Variants in WWC1 observed in about 807,000 individuals in gnomAD.
WWC1 encodes WW and C2 domain containing 1, also known as protein KIBRA.
WWC1 carries 55 observed loss-of-function variants against 138.4 expected under a neutral mutation model. The ratio of observed to expected loss-of-function variants is 0.40; its 90% CI spans 0.32 to 0.50. The LOEUF is 0.50. Ranked by LOEUF, WWC1 falls within the 20% of genes least tolerant of loss-of-function variation. The probability of loss-of-function intolerance (pLI) is 0.72; values close to 1 mark genes in which losing one functional copy is unlikely to be tolerated. For synonymous variants in WWC1, 524 were observed against 564.9 expected, an observed-to-expected ratio of 0.93 and a Z score of 1.03; for missense variants, 1,226 against 1,420.4, an observed-to-expected ratio of 0.86 and a Z score of 2.20.
chr5:168,379,946 G>A (rs961148628), intron 2 of WWC1, among the ~76,000 whole-genome samples: 6 of 152,062 alleles, frequency 3.9e-5, no homozygotes, highest in Non-Finnish European at 7.4e-5. Context: ...TTTATGATAG[G>A]CAAAGATTTT....
At chr5:168,431,201 G>T in intron 14 of WWC1, 51 bp from the exon 15 acceptor site, 1 of 1,515,022 alleles carries the variant, frequency 6.6e-7, no homozygotes, top group South Asian at 1.3e-5. Context: ...CAACATTTTA[G>T]CCCCAGACAT....
intron 1 of WWC1, among the ~76,000 whole-genome samples, chr5:168,300,332 C>T (rs772890102): frequency 5.3e-5 from 8 of 151,470 alleles, no homozygotes; most frequent in Non-Finnish European, 1.2e-4. Context: ...CTGTTGTGTG[C>T]GGAGAATATT....
intron 1 of WWC1, among the ~76,000 whole-genome samples, chr5:168,331,769 A>G (rs1773051960): frequency 6.6e-6 from 1 of 152,226 alleles, no homozygotes; most frequent in Non-Finnish European, 1.5e-5. Context: ...TTTCTTTGAC[A>G]TCTTCTGGTG....
intron 15 of WWC1, among the ~76,000 whole-genome samples, chr5:168,440,032 G>T (rs1256214305): frequency 2.6e-5 from 4 of 152,158 alleles, no homozygotes; most frequent in Non-Finnish European, 4.4e-5. Context: ...GTGGAACCAG[G>T]TGGGGACCAT....
chr5:168,387,663 C>T (rs1481581287), intron 3 of WWC1, among the ~76,000 whole-genome samples: 3 of 152,194 alleles, frequency 2.0e-5, no homozygotes, highest in African/African-American at 7.2e-5. Flanking sequence ...ACTGCCTTCT[C>T]TAGTGCCTCT....
intron 1 of WWC1, among the ~76,000 whole-genome samples, chr5:168,313,434 T>C (rs2152750861): frequency 6.6e-6 from 1 of 152,080 alleles, no homozygotes; most frequent in Middle Eastern, 3.4e-3. Context: ...CTACTAAAAA[T>C]ACAAAAATTA....
intron 9 of WWC1, among the ~76,000 whole-genome samples, chr5:168,419,489 C>T (rs1780916932): frequency 6.6e-6 from 1 of 152,166 alleles, no homozygotes; most frequent in African/African-American, 2.4e-5. Context: ...CCATACAGTG[C>T]AGCAACTTGC....
At chr5:168,412,208 A>C in intron 8 of WWC1, 4 of 985,220 alleles carry the variant, frequency 4.1e-6, no homozygotes, top group Non-Finnish European at 4.8e-6. Context: ...AGAGCTTCCT[A>C]GCTCATCTGA....
chr5:168,369,025 G>A (rs1432639662), intron 1 of WWC1, among the ~76,000 whole-genome samples: 1 of 152,220 alleles, frequency 6.6e-6, no homozygotes, highest in Non-Finnish European at 1.5e-5. Context: ...CTTAGGAGAT[G>A]CAATGAAGGT....
intron 1 of WWC1, among the ~76,000 whole-genome samples, chr5:168,357,483 TG>T (rs1775532578): frequency 2.5e-5 from 2 of 79,072 alleles, no homozygotes; most frequent in African/African-American, 3.4e-5. Flanking sequence ...TGTGTGTGTG[TG>T]TGTGTGTGTG....
chr5:168,393,074 T>G (rs1778625886), intron 3 of WWC1, among the ~76,000 whole-genome samples: 1 of 151,932 alleles, frequency 6.6e-6, no homozygotes, highest in Non-Finnish European at 1.5e-5. Flanking sequence ...GGAGGAAACC[T>G]TCTAAAAATC....
chr5:168,438,820 A>G (rs577564317), intron 15 of WWC1, among the ~76,000 whole-genome samples: 2 of 152,266 alleles, frequency 1.3e-5, no homozygotes, highest in South Asian at 4.1e-4. Flanking sequence ...AAAAATATTA[A>G]GTCACTTGAA....
chr5:168,321,184 G>A (rs1581913722), intron 1 of WWC1, among the ~76,000 whole-genome samples: 3 of 152,116 alleles, frequency 2.0e-5, no homozygotes, highest in South Asian at 2.1e-4. Flanking sequence ...TTGTGCCACC[G>A]GGATTAATTC....
At chr5:168,334,550 C>T (rs188947641) in intron 1 of WWC1, among the ~76,000 whole-genome samples, 2 of 152,062 alleles carry the variant, frequency 1.3e-5, no homozygotes, top group Non-Finnish European at 1.5e-5. Context: ...GACCCTCCCC[C>T]CTCCACCCCC....
chr5:168,397,629 C>T, intron 3 of WWC1, 95 bp from the exon 4 acceptor site: 1 of 1,307,344 alleles, frequency 7.6e-7, no homozygotes, highest in South Asian at 1.2e-5. Flanking sequence ...ACTTTTAGTC[C>T]TTCCCTTTCT....
In WWC1 at chr5:168,308,212, G is replaced by T. The variant is rs117063828; in HGVS notation, c.119+15941G>T. Among the ~76,000 whole-genome samples the T allele has an allele frequency of 7.9e-4, 120 of 152,332 alleles. 2 individuals carry two copies. In the East Asian group the frequency reaches 9.6e-3, roughly 12 times the overall value. ...CACATTGGTTAAAACTGAAACCAAA[G>T]AAAGCCATCCCTTCTTTGAGAACTG... On this transcript the variant is annotated intron_variant, in intron 1 of 22. Transcript: ENST00000265293.
chr5:168,321,030 T>A (rs1252353519), intron 1 of WWC1, among the ~76,000 whole-genome samples: 1 of 152,198 alleles, frequency 6.6e-6, no homozygotes, highest in Non-Finnish European at 1.5e-5. Context: ...AGCTAAGGGT[T>A]TCTGTTGCTA....
intron 5 of WWC1, among the ~76,000 whole-genome samples, chr5:168,403,074 C>CT (rs555818024): frequency 1.8e-5 from 2 of 113,432 alleles, no homozygotes; most frequent in East Asian, 4.8e-4. Context: ...TTCTTTCTTT[C>CT]TTTCTTTTCT....
intron 15 of WWC1, among the ~76,000 whole-genome samples, chr5:168,436,828 C>T (rs1462111609): frequency 6.6e-6 from 1 of 152,148 alleles, no homozygotes; most frequent in Non-Finnish European, 1.5e-5. Context: ...CCATCTCCTA[C>T]TTGGTTTCCC....
Sources: gnomAD v4.1 joint callset for allele counts (sites outside exome capture counted in the v4.1 genomes callset) on GRCh38, gnomAD v4.1.1 for gene constraint, MANE v1.5 for transcripts, NCBI Gene and HGNC (gene_info 2026-07-23, HGNC 2026-07-21) for gene names.